Variants in UQCC1 observed in about 807,000 individuals in gnomAD.
UQCC1 encodes the protein ubiquinol-cytochrome c reductase complex assembly factor 1, also known as bFGF-repressed Zic-binding protein.
UQCC1 carries 38 observed loss-of-function variants against 48.0 expected under a neutral mutation model. That is an observed-to-expected ratio of 0.79 (90% CI 0.61 to 1.04). The LOEUF (loss-of-function observed/expected upper bound fraction) is 1.04, where lower values mean the gene tolerates loss of function less well. Ranked by LOEUF, UQCC1 falls within the 50% of genes least tolerant of loss-of-function variation. The pLI, the probability that UQCC1 is intolerant of heterozygous loss-of-function variation, is 0.00. For synonymous variants in UQCC1, 111 were observed against 129.2 expected, an observed-to-expected ratio of 0.86 and a Z score of 0.95; for missense variants, 368 against 381.8, an observed-to-expected ratio of 0.96 and a Z score of 0.30.
intron 6 of UQCC1, among the ~76,000 whole-genome samples, chr20:35,364,430 T>C (rs2061642492): frequency 6.6e-6 from 1 of 152,230 alleles, no homozygotes; most frequent in Admixed American, 6.5e-5. Flanking sequence ...ACACAGAGTC[T>C]GTATCTGATT....
chr20:35,396,624 T>C, intron 1 of UQCC1, among the ~76,000 whole-genome samples: 1 of 152,162 alleles, frequency 6.6e-6, no homozygotes, highest in East Asian at 1.9e-4. Flanking sequence ...GGCAACTTGA[T>C]TTCCAAGACA....
chr20:35,409,168 C>T (rs562231761), intron 1 of UQCC1, among the ~76,000 whole-genome samples: 1 of 152,216 alleles, frequency 6.6e-6, no homozygotes, highest in East Asian at 1.9e-4. Flanking sequence ...GAACTGTACA[C>T]TTAAAAAGTT....
chr20:35,313,016 T>C (rs2061010931), intron 8 of UQCC1, among the ~76,000 whole-genome samples: 1 of 152,198 alleles, frequency 6.6e-6, no homozygotes, highest in Non-Finnish European at 1.5e-5. Flanking sequence ...TACTTTATGC[T>C]ACTAAACTGT....
At chr20:35,407,003 C>A (rs1360105902) in intron 1 of UQCC1, among the ~76,000 whole-genome samples, 1 of 152,158 alleles carries the variant, frequency 6.6e-6, no homozygotes. Context: ...GTAACATGTA[C>A]ACAAATTAGC....
chr20:35,314,818 C>T, intron 7 of UQCC1, 53 bp from the exon 8 acceptor site: 1 of 1,466,620 alleles, frequency 6.8e-7, no homozygotes, highest in Non-Finnish European at 9.4e-7. Flanking sequence ...AGAAAAAAAC[C>T]CAAAAAGTAT....
At chr20:35,406,116 C>T (rs2062246863) in intron 1 of UQCC1, among the ~76,000 whole-genome samples, 1 of 152,066 alleles carries the variant, frequency 6.6e-6, no homozygotes, top group South Asian at 2.1e-4. Context: ...AATTTAACAG[C>T]CTCAGACTGT....
intron 2 of UQCC1, chr20:35,384,641 C>T (rs2061915814): frequency 2.4e-6 from 1 of 422,554 alleles, no homozygotes; most frequent in Admixed American, 2.7e-5. Context: ...GAGCAAGACC[C>T]TGTCTGTAAA....
At chr20:35,404,264 A>G (rs1259198813) in intron 1 of UQCC1, among the ~76,000 whole-genome samples, 2 of 150,526 alleles carry the variant, frequency 1.3e-5, no homozygotes, top group African/African-American at 4.9e-5. Flanking sequence ...AGCTACTCGG[A>G]GAGGCTGAGG....
intron 2 of UQCC1, among the ~76,000 whole-genome samples, chr20:35,386,082 T>C (rs2061939314): frequency 6.6e-6 from 1 of 152,110 alleles, no homozygotes; most frequent in Non-Finnish European, 1.5e-5. Flanking sequence ...GTTAAATGCT[T>C]ATAATATGTA....
At chr20:35,310,934 G>A (rs1325709757) in intron 8 of UQCC1, among the ~76,000 whole-genome samples, 2 of 148,640 alleles carry the variant, frequency 1.3e-5, no homozygotes, top group Non-Finnish European at 3.0e-5. Flanking sequence ...TCTTGGCCTC[G>A]TGATCTATCC....
intron 4 of UQCC1, among the ~76,000 whole-genome samples, chr20:35,381,601 G>A (rs1037223897): frequency 6.6e-6 from 1 of 152,212 alleles, no homozygotes; most frequent in Non-Finnish European, 1.5e-5. Flanking sequence ...TGGCAGGGGA[G>A]TGCAGCTACT....
chr20:35,305,934 G>C (rs965947230), intron 9 of UQCC1, among the ~76,000 whole-genome samples: 1 of 152,218 alleles, frequency 6.6e-6, no homozygotes. Context: ...CAGCTGTGCA[G>C]GCTGACTCAC....
chr20:35,402,127 T>A (rs1365975438), intron 1 of UQCC1, among the ~76,000 whole-genome samples: 6 of 152,120 alleles, frequency 3.9e-5, no homozygotes, highest in Non-Finnish European at 5.9e-5. Flanking sequence ...AAGAAGAGAA[T>A]GTTTAACCAT....
intron 7 of UQCC1, among the ~76,000 whole-genome samples, chr20:35,332,718 G>A (rs1045544306): frequency 6.6e-6 from 1 of 152,244 alleles, no homozygotes; most frequent in African/African-American, 2.4e-5. Context: ...GTCTTAGCAA[G>A]GGCTGGGCTA....
chr20:35,306,615 G>A, intron 9 of UQCC1, 51 bp downstream of exon 9: 2 of 1,422,364 alleles, frequency 1.4e-6, no homozygotes, highest in Non-Finnish European at 2.0e-6. Flanking sequence ...AAGCCCAAGA[G>A]GAGGACCCAC....
chr20:35,347,551 G>A (rs1305320647), intron 6 of UQCC1, among the ~76,000 whole-genome samples: 1 of 151,948 alleles, frequency 6.6e-6, no homozygotes, highest in Non-Finnish European at 1.5e-5. Context: ...ACCTCTGAAG[G>A]CTCCCTCATA....
chr20:35,351,621 C>G (rs772965377), intron 6 of UQCC1, among the ~76,000 whole-genome samples: 8 of 152,166 alleles, frequency 5.3e-5, no homozygotes, highest in Non-Finnish European at 8.8e-5. Flanking sequence ...GAGGCCAATT[C>G]ATCAACAGCA....
chr20:35,398,118 A>G (rs1054526216), intron 1 of UQCC1, among the ~76,000 whole-genome samples: 7 of 152,222 alleles, frequency 4.6e-5, no homozygotes, highest in African/African-American at 1.4e-4. Context: ...CAGACAACCC[A>G]ACTCTAGAAT....
intron 1 of UQCC1, among the ~76,000 whole-genome samples, chr20:35,398,927 T>G (rs2062121322): frequency 6.6e-6 from 1 of 152,320 alleles, no homozygotes; most frequent in East Asian, 1.9e-4. Context: ...AAATCAGTTC[T>G]TATTAGAAGA....
Sources: gnomAD v4.1 joint callset for allele counts (sites outside exome capture counted in the v4.1 genomes callset) on GRCh38, gnomAD v4.1.1 for gene constraint, MANE v1.5 for transcripts, NCBI Gene and HGNC (gene_info 2026-07-23, HGNC 2026-07-21) for gene names.